GLIS3: variants seen among roughly 807,000 people sequenced by gnomAD.
The protein encoded by GLIS3 is GLIS family zinc finger 3.
A neutral mutation model predicts 78.6 loss-of-function variants in GLIS3; 53 were observed. The ratio of observed to expected loss-of-function variants is 0.67; its 90% CI spans 0.54 to 0.85. The LOEUF is 0.85. Among genes scored for constraint, GLIS3 ranks in the 40% least tolerant of loss-of-function variants. GLIS3 has a pLI of 0.00. For missense variants in GLIS3, 1,703 were observed against 1,231.1 expected, an observed-to-expected ratio of 1.38 and a Z score of -5.74; for synonymous variants, 684 against 509.9, an observed-to-expected ratio of 1.34 and a Z score of -4.60.
At chr9:4,304,000 C>G (rs1238096231), upstream of GLIS3, among the ~76,000 whole-genome samples, 3 of 152,214 alleles carry the variant, frequency 2.0e-5, no homozygotes, top group Non-Finnish European at 4.4e-5. Context: ...TCTTAATGAC[C>G]ATAACTTACT....
intron 4 of GLIS3, among the ~76,000 whole-genome samples, chr9:3,978,077 G>T (rs1237193572): frequency 1.3e-5 from 2 of 151,942 alleles, no homozygotes; most frequent in African/African-American, 4.9e-5. Flanking sequence ...AGAATGAAGG[G>T]AGGACTCAAT....
intron 4 of GLIS3, among the ~76,000 whole-genome samples, chr9:3,971,854 C>A (rs983344060): frequency 2.0e-5 from 3 of 152,164 alleles, no homozygotes; most frequent in African/African-American, 7.2e-5. Context: ...AGTTGACTCA[C>A]ATCTTACCCA....
intron 9 of GLIS3, among the ~76,000 whole-genome samples, chr9:3,838,772 A>G (rs1818527789): frequency 6.6e-6 from 1 of 152,096 alleles, no homozygotes; most frequent in Non-Finnish European, 1.5e-5. Context: ...AAAGAAGATA[A>G]ATGTCCTCAC....
At chr9:4,050,250 T>C (rs921056359) in intron 4 of GLIS3, among the ~76,000 whole-genome samples, 1 of 152,168 alleles carries the variant, frequency 6.6e-6, no homozygotes, top group Non-Finnish European at 1.5e-5. Context: ...ATATACCCCA[T>C]GGAATACTAT....
chr9:4,205,798 G>A (rs1016669338), intron 2 of GLIS3, among the ~76,000 whole-genome samples: 5 of 152,240 alleles, frequency 3.3e-5, no homozygotes, highest in Non-Finnish European at 7.3e-5. Flanking sequence ...CAGGCTGACA[G>A]AGAGGTTCAG....
chr9:4,286,140 G>C lies in GLIS3; in HGVS notation c.286C>G (p.Pro96Ala). 1 of 1,613,814 alleles carries C rather than the reference G, an allele frequency of 6.2e-7. No individual in the cohort carries two copies. Among genetic ancestry groups the C allele is most frequent in the Non-Finnish European group, 8.5e-7 (1 of 1,179,682 alleles). ...PRRQMLTNGKPRFQVTQAGGM... is the reference protein window; with the variant it reads ...PRRQMLTNGKARFQVTQAGGM... ...CCAGCCTGGGTGACCTGGAATCGCG[G>C]CTTCCCATTGGTGAGCATTTGTCTC... Residue 96 changes from proline to alanine, a missense_variant, in exon 2 of 11, where the codon CCG becomes GCG. Pro to Ala is a conservative substitution (Grantham distance 27, BLOSUM62 -1). Coordinates refer to ENST00000381971, the MANE Select transcript of GLIS3 (RefSeq NM_001042413.2).
At chr9:4,401,694 T>C in the GLIS3 span, among the ~76,000 whole-genome samples, 1 of 151,424 alleles carries the variant, frequency 6.6e-6, no homozygotes, top group Non-Finnish European at 1.5e-5. Context: ...CAGCCTCAAG[T>C]GATTCTCATG....
chr9:3,890,741 A>C (rs1043356744), intron 7 of GLIS3, among the ~76,000 whole-genome samples: 17 of 150,214 alleles, frequency 1.1e-4, no homozygotes, highest in Admixed American at 3.3e-4. Flanking sequence ...AAAAAACAAA[A>C]CAAACCAAAC....
chr9:4,451,664 C>G, the GLIS3 span, among the ~76,000 whole-genome samples: 1 of 152,106 alleles, frequency 6.6e-6, no homozygotes, highest in East Asian at 1.9e-4. Context: ...GACCACAGTG[C>G]CATCAAATTA....
At chr9:4,329,951 A>G (rs1817661314) in intron 2 of GLIS3, among the ~76,000 whole-genome samples, 1 of 151,912 alleles carries the variant, frequency 6.6e-6, no homozygotes, top group Non-Finnish European at 1.5e-5. Flanking sequence ...ATTTTAGTGT[A>G]TCAATTAATT....
chr9:4,281,923 G>T (rs1827592274), intron 2 of GLIS3, among the ~76,000 whole-genome samples: 1 of 152,088 alleles, frequency 6.6e-6, no homozygotes, highest in South Asian at 2.1e-4. Flanking sequence ...GTTCACTGTG[G>T]CACTCCAGTG....
At chr9:4,295,151 T>C (rs1816369183) in intron 1 of GLIS3, among the ~76,000 whole-genome samples, 1 of 152,112 alleles carries the variant, frequency 6.6e-6, no homozygotes, top group Admixed American at 6.6e-5. Flanking sequence ...AAGTTGCAAA[T>C]GAACAGTTCA....
chr9:3,900,025 A>G (rs958424642), intron 6 of GLIS3, among the ~76,000 whole-genome samples: 1 of 152,112 alleles, frequency 6.6e-6, no homozygotes, highest in Non-Finnish European at 1.5e-5. Context: ...CCTATGGGGG[A>G]AGAACCTGCC....
intron 4 of GLIS3, among the ~76,000 whole-genome samples, chr9:4,040,406 C>T (rs1824708349): frequency 6.6e-6 from 1 of 151,906 alleles, no homozygotes; most frequent in Non-Finnish European, 1.5e-5. Context: ...TTTAAATTAA[C>T]TCCCAAAGTC....
At chr9:4,137,273 G>A (rs1388445619) in intron 2 of GLIS3, among the ~76,000 whole-genome samples, 1 of 151,960 alleles carries the variant, frequency 6.6e-6, no homozygotes, top group East Asian at 1.9e-4. Context: ...CTGAACCCAG[G>A]GAGATTCGCA....
intron 1 of GLIS3, among the ~76,000 whole-genome samples, chr9:4,299,153 C>T (rs950424086): frequency 1.3e-5 from 2 of 152,214 alleles, no homozygotes; most frequent in Non-Finnish European, 1.5e-5. Context: ...GTCTTCTACA[C>T]TGGGCGCTCT....
chr9:4,453,065 G>C, the GLIS3 span, among the ~76,000 whole-genome samples: 2 of 152,058 alleles, frequency 1.3e-5, no homozygotes, highest in African/African-American at 4.8e-5. Context: ...AATAGGAAAA[G>C]GATTCCCTTC....
At chr9:3,883,087 C>A (rs984615913) in intron 7 of GLIS3, among the ~76,000 whole-genome samples, 1 of 152,078 alleles carries the variant, frequency 6.6e-6, no homozygotes, top group African/African-American at 2.4e-5. Flanking sequence ...CTCACATACC[C>A]TTCAAAAAAA....
At position 4,176,306 on chromosome 9, in the gene GLIS3, G is replaced by T. The variant is rs1221348463; in HGVS notation, c.389-50365C>A. Among the ~76,000 whole-genome samples the T allele has an allele frequency of 2.6e-5, 4 of 152,220 alleles. No individual in the cohort carries two copies. In the East Asian group the frequency reaches 7.7e-4, roughly 29 times the overall value. ...AATAACAACGATTTGTAATGTAACT[G>T]CCCAGAGATAATCATAGTGTTTTAG... On this transcript the variant is annotated intron_variant, in intron 2 of 10. Coordinates refer to ENST00000381971, the MANE Select transcript of GLIS3 (RefSeq NM_001042413.2).
Sources: gnomAD v4.1 joint callset for allele counts (sites outside exome capture counted in the v4.1 genomes callset) on GRCh38, gnomAD v4.1.1 for gene constraint, MANE v1.5 for transcripts, NCBI Gene and HGNC (gene_info 2026-07-23, HGNC 2026-07-21) for gene names.